The following TSHZ2 variants were observed in gnomAD, a reference collection of about 807,000 sequenced individuals.
The protein encoded by TSHZ2 is teashirt zinc finger homeobox 2, also known as teashirt homolog 2.
In TSHZ2, 21 loss-of-function variants were observed where a neutral mutation model predicts 74.4. The ratio of observed to expected loss-of-function variants is 0.28; its 90% CI spans 0.20 to 0.41. TSHZ2 has a LOEUF of 0.41. Ranked by LOEUF, TSHZ2 falls within the 10% of genes least tolerant of loss-of-function variation. The probability of loss-of-function intolerance (pLI) is 1.00; values close to 1 mark genes in which losing one functional copy is unlikely to be tolerated. For synonymous variants in TSHZ2, 540 were observed against 515.3 expected (o/e 1.05, Z -0.65); for missense variants, 1,244 against 1,293.5 (o/e 0.96, Z 0.59).
At chr20:53,304,988 T>G (rs1978466928) in intron 2 of TSHZ2, among the ~76,000 whole-genome samples, 1 of 150,156 alleles carries the variant, frequency 6.7e-6, no homozygotes, top group South Asian at 2.1e-4. Context: ...CAGGCTGAAG[T>G]GCAGTGGTGC....
chr20:53,316,603 AG>A (rs1979033775), intron 2 of TSHZ2, among the ~76,000 whole-genome samples: 1 of 151,450 alleles, frequency 6.6e-6, no homozygotes, highest in Non-Finnish European at 1.5e-5. Context: ...AAAAAAAAAA[AG>A]GATGTACACT....
chr20:53,481,417 CA>C (rs1224375588), intron 2 of TSHZ2, among the ~76,000 whole-genome samples: 2 of 151,650 alleles, frequency 1.3e-5, no homozygotes, highest in African/African-American at 2.4e-5. Context: ...ACAAAAAATA[CA>C]AAAAAATTAG....
intron 2 of TSHZ2, among the ~76,000 whole-genome samples, chr20:53,271,527 T>G (rs1365689319): frequency 6.6e-6 from 1 of 152,070 alleles, no homozygotes; most frequent in African/African-American, 2.4e-5. Flanking sequence ...TTGCTGCCCA[T>G]CACGGAAGGA....
intron 1 of TSHZ2, among the ~76,000 whole-genome samples, chr20:53,116,774 T>C (rs1050206976): frequency 6.6e-6 from 1 of 152,214 alleles, no homozygotes; most frequent in Non-Finnish European, 1.5e-5. Context: ...GAATGGCATT[T>C]TTTAATTCTG....
intron 1 of TSHZ2, chr20:53,196,349 C>A (rs1283050670): frequency 6.4e-5 from 8 of 125,014 alleles, no homozygotes; most frequent in Non-Finnish European, 1.3e-4. Flanking sequence ...ATCCCGGAGG[C>A]ATCAAGAATC....
At chr20:53,417,739 T>C (rs1046864711) in intron 2 of TSHZ2, among the ~76,000 whole-genome samples, 4 of 152,206 alleles carry the variant, frequency 2.6e-5, no homozygotes, top group Admixed American at 2.0e-4. Flanking sequence ...GCTTCTCTTT[T>C]TTTTCTTATC....
chr20:53,167,921 G>A (rs1988100812), intron 1 of TSHZ2, among the ~76,000 whole-genome samples: 1 of 152,166 alleles, frequency 6.6e-6, no homozygotes, highest in South Asian at 2.1e-4. Context: ...TTTATGCCCA[G>A]GTGACAAAAA....
intron 2 of TSHZ2, among the ~76,000 whole-genome samples, chr20:53,391,848 C>T (rs780956142): frequency 6.6e-6 from 1 of 152,142 alleles, no homozygotes; most frequent in Non-Finnish European, 1.5e-5. Flanking sequence ...GATATTGAGG[C>T]ACGAGAATTA....
intron 1 of TSHZ2, among the ~76,000 whole-genome samples, chr20:53,230,698 C>T (rs575960785): frequency 6.7e-4 from 102 of 152,204 alleles, no homozygotes; most frequent in Non-Finnish European, 1.3e-3. Flanking sequence ...TGAGACCAGC[C>T]TGGTCAACAT....
intron 2 of TSHZ2, among the ~76,000 whole-genome samples, chr20:53,289,263 C>T (rs1991235730): frequency 6.6e-6 from 1 of 152,178 alleles, no homozygotes; most frequent in East Asian, 1.9e-4. Flanking sequence ...GCAAATTGTG[C>T]TGCTATAAAC....
At chr20:53,115,001 G>A (rs1354373839) in intron 1 of TSHZ2, among the ~76,000 whole-genome samples, 1 of 152,182 alleles carries the variant, frequency 6.6e-6, no homozygotes, top group East Asian at 1.9e-4. Flanking sequence ...TCAGTGGCTG[G>A]TGTCCACTGA....
intron 2 of TSHZ2, among the ~76,000 whole-genome samples, chr20:53,362,542 G>A (rs997684521): frequency 1.7e-4 from 26 of 152,090 alleles, no homozygotes; most frequent in Admixed American, 1.4e-3. Flanking sequence ...TAAATTGAGG[G>A]AAGACTGTAC....
intron 1 of TSHZ2, among the ~76,000 whole-genome samples, chr20:53,054,889 T>C (rs2123144573): frequency 6.6e-6 from 1 of 152,244 alleles, no homozygotes; most frequent in South Asian, 2.1e-4. Context: ...AGTGGAATGC[T>C]CATGCTCATT....
At chr20:53,393,333 A>G (rs1241440864) in intron 2 of TSHZ2, among the ~76,000 whole-genome samples, 1 of 152,216 alleles carries the variant, frequency 6.6e-6, no homozygotes, top group African/African-American at 2.4e-5. Flanking sequence ...ACATAAAATT[A>G]TTAAAAGAGG....
chr20:53,148,149 G>A (rs1056666285), intron 1 of TSHZ2, among the ~76,000 whole-genome samples: 5 of 152,084 alleles, frequency 3.3e-5, no homozygotes, highest in Admixed American at 6.5e-5. Context: ...TTTCTATATC[G>A]TACTATTTAG....
chr20:53,306,699 G>C (rs1568861245), intron 2 of TSHZ2, among the ~76,000 whole-genome samples: 2 of 152,322 alleles, frequency 1.3e-5, no homozygotes, highest in Non-Finnish European at 2.9e-5. Context: ...CAGTTTGAAG[G>C]CACGCCCTCA....
chr20:53,436,548 ATTT>A (rs11411794), intron 2 of TSHZ2, among the ~76,000 whole-genome samples: 21 of 99,918 alleles, frequency 2.1e-4, no homozygotes, highest in South Asian at 1.1e-3. Context: ...TATTATTATT[ATTT>A]TTTTTTTTTT....
intron 2 of TSHZ2, among the ~76,000 whole-genome samples, chr20:53,281,903 A>G (rs2145437823): frequency 6.6e-6 from 1 of 152,328 alleles, no homozygotes; most frequent in Middle Eastern, 3.4e-3. Context: ...AGGGGTACAC[A>G]CTTGAAGGCA....
At chr20:53,393,976 A>G (rs1227011318) in intron 2 of TSHZ2, among the ~76,000 whole-genome samples, 1 of 152,228 alleles carries the variant, frequency 6.6e-6, no homozygotes, top group Non-Finnish European at 1.5e-5. Flanking sequence ...ATGGTTTGTT[A>G]TTATTTATAA....
Sources: allele counts gnomAD v4.1 joint callset (sites outside exome capture counted in the v4.1 genomes callset), GRCh38; gene constraint gnomAD v4.1.1; transcripts MANE v1.5; gene names NCBI Gene and HGNC (gene_info 2026-07-23, HGNC 2026-07-21).